The following XNDC1N variants were observed in gnomAD, a reference collection of about 807,000 sequenced individuals.
XNDC1N encodes the protein protein XNDC1N.
chr11:71,911,626 A>T, the XNDC1N span, among the ~76,000 whole-genome samples: 2 of 151,868 alleles, frequency 1.3e-5, no homozygotes, highest in Admixed American at 6.6e-5. Context: ...CAACATTTAC[A>T]CTGATTCTCG....
At chr11:71,897,291 T>C in the XNDC1N span, among the ~76,000 whole-genome samples, 66 of 152,296 alleles carry the variant, frequency 4.3e-4, 1 homozygote, top group East Asian at 0.012. Flanking sequence ...AGTGAAAACA[T>C]AACCCATGGA....
the XNDC1N span, among the ~76,000 whole-genome samples, chr11:71,871,852 C>T: frequency 6.6e-6 from 1 of 152,038 alleles, no homozygotes; most frequent in African/African-American, 2.4e-5. Flanking sequence ...ATAAAAATGA[C>T]CAGTGATAAA....
the XNDC1N span, chr11:71,919,098 G>C: frequency 4.4e-6 from 3 of 685,090 alleles, no homozygotes; most frequent in African/African-American, 1.8e-5. Context: ...ATGAATGAGG[G>C]ATCGCTAAAA....
At chr11:71,919,395 T>A in the XNDC1N span, among the ~76,000 whole-genome samples, 2 of 151,372 alleles carry the variant, frequency 1.3e-5, no homozygotes, top group African/African-American at 4.8e-5. Context: ...AGCTCTTTTT[T>A]TTTTTTTTTT....
At chr11:71,916,370 G>A in the XNDC1N span, 1 of 617,414 alleles carries the variant, frequency 1.6e-6, no homozygotes, top group Non-Finnish European at 2.9e-6. Flanking sequence ...TCCAACAAAA[G>A]AAGGAGGTCT....
At chr11:71,899,674 CTG>C in the XNDC1N span, among the ~76,000 whole-genome samples, 8 of 152,358 alleles carry the variant, frequency 5.3e-5, no homozygotes, top group African/African-American at 1.9e-4. Context: ...GCACGATACA[CTG>C]TGGAAAGCCG....
At chr11:71,917,215 T>G in the XNDC1N span, 1 of 564,640 alleles carries the variant, frequency 1.8e-6, no homozygotes, top group Non-Finnish European at 3.2e-6. Flanking sequence ...GATTTCACCA[T>G]GCTGGCCAGG....
At chr11:71,928,363 A>T in the XNDC1N span, 1 of 665,316 alleles carries the variant, frequency 1.5e-6, no homozygotes, top group Non-Finnish European at 2.7e-6. Flanking sequence ...AACGCCCCTC[A>T]CCCGGGACCG....
chr11:71,881,200 A>C, the XNDC1N span, among the ~76,000 whole-genome samples: 1 of 152,234 alleles, frequency 6.6e-6, no homozygotes, highest in Non-Finnish European at 1.5e-5. Flanking sequence ...TACTGGGTAC[A>C]TATATATACA....
At chr11:71,884,614 T>A in the XNDC1N span, 2 of 1,549,292 alleles carry the variant, frequency 1.3e-6, no homozygotes, top group Non-Finnish European at 1.7e-6. Flanking sequence ...TGTCTTAAAC[T>A]CTCTTATCTA....
chr11:71,901,593 C>T, the XNDC1N span, among the ~76,000 whole-genome samples: 38 of 151,958 alleles, frequency 2.5e-4, no homozygotes, highest in African/African-American at 8.2e-4. Flanking sequence ...AACGAGACTC[C>T]ATCTCAAAAC....
At chr11:71,866,593 G>A in the XNDC1N span, among the ~76,000 whole-genome samples, 8 of 151,982 alleles carry the variant, frequency 5.3e-5, no homozygotes, top group Admixed American at 6.6e-5. Flanking sequence ...GCAAAACCCC[G>A]TCTCTACTAA....
chr11:71,893,729 C>G, the XNDC1N span: 1 of 1,260,550 alleles, frequency 7.9e-7, no homozygotes. Context: ...GACATGCAGT[C>G]GCATAGCAGA....
At chr11:71,919,929 C>CTTTTTTTTTTTTT in the XNDC1N span, among the ~76,000 whole-genome samples, 15 of 26,592 alleles carry the variant, frequency 5.6e-4, 4 homozygotes, top group East Asian at 1.2e-3. Context: ...AAGCAGGCCT[C>CTTTTTTTTTTTTT]TTTTTTTTTT....
At chr11:71,886,042 C>A in the XNDC1N span, among the ~76,000 whole-genome samples, 1 of 151,968 alleles carries the variant, frequency 6.6e-6, no homozygotes, top group African/African-American at 2.4e-5. Flanking sequence ...CCACTCCTCC[C>A]TCGGCAGCTC....
chr11:71,884,830 C>A, the XNDC1N span, among the ~76,000 whole-genome samples: 1 of 151,916 alleles, frequency 6.6e-6, no homozygotes, highest in African/African-American at 2.4e-5. Flanking sequence ...GCCCCTTTTG[C>A]CCCCCTGGCT....
chr11:71,867,087 A>C, the XNDC1N span, among the ~76,000 whole-genome samples: 2 of 152,212 alleles, frequency 1.3e-5, no homozygotes, highest in Admixed American at 1.3e-4. Context: ...GTAGTATGAC[A>C]CCCAATGATA....
At chr11:71,913,797 G>A in the XNDC1N span, among the ~76,000 whole-genome samples, 1 of 152,062 alleles carries the variant, frequency 6.6e-6, no homozygotes, top group African/African-American at 2.4e-5. Context: ...TGCAGCTGGT[G>A]ACTTTAAGTT....
the XNDC1N span, among the ~76,000 whole-genome samples, chr11:71,895,293 A>G: frequency 6.6e-6 from 1 of 151,756 alleles, no homozygotes; most frequent in African/African-American, 2.4e-5. Flanking sequence ...TTTTCTTACC[A>G]TTTCGCATTT....
Sources: allele counts gnomAD v4.1 joint callset (sites outside exome capture counted in the v4.1 genomes callset), GRCh38; gene constraint gnomAD v4.1.1; transcripts MANE v1.5; gene names NCBI Gene and HGNC (gene_info 2026-07-23, HGNC 2026-07-21).